DSCAM: variants seen among roughly 807,000 people sequenced by gnomAD.
DSCAM encodes cell adhesion molecule DSCAM.
Under a neutral mutation model 217.7 loss-of-function variants are expected in DSCAM, and 47 were observed. That is an observed-to-expected ratio of 0.22 (90% CI 0.17 to 0.28). The LOEUF is 0.28. Among genes scored for constraint, DSCAM ranks in the 10% least tolerant of loss-of-function variants. DSCAM has a pLI of 1.00. For synonymous variants in DSCAM, 1,056 were observed against 1,015.3 expected (o/e 1.04, Z -0.76); for missense variants, 2,080 against 2,618.3 (o/e 0.79, Z 4.49).
chr21:40,304,630 A>G (rs774024406), intron 9 of DSCAM, among the ~76,000 whole-genome samples: 31 of 152,366 alleles, frequency 2.0e-4, no homozygotes, highest in South Asian at 4.1e-4. Context: ...GAGATGTGCA[A>G]TGAATGATTC....
chr21:40,033,220 G>A (rs1374454349), intron 32 of DSCAM, among the ~76,000 whole-genome samples: 1 of 152,224 alleles, frequency 6.6e-6, no homozygotes, highest in African/African-American at 2.4e-5. Flanking sequence ...CCCAGCCTGA[G>A]CGACGCAGAA....
chr21:40,307,933 T>A (rs551360965), intron 9 of DSCAM, among the ~76,000 whole-genome samples: 1 of 94,976 alleles, frequency 1.1e-5, no homozygotes, highest in African/African-American at 4.1e-5. Flanking sequence ...GGGACTGTTG[T>A]GGGATGAGGG....
At chr21:40,301,394 C>T (rs192032682) in intron 9 of DSCAM, among the ~76,000 whole-genome samples, 1 of 152,322 alleles carries the variant, frequency 6.6e-6, no homozygotes, top group Admixed American at 6.5e-5. Flanking sequence ...GGCTTTGCCC[C>T]AACTATTCTA....
intron 3 of DSCAM, among the ~76,000 whole-genome samples, chr21:40,605,973 G>C (rs887468956): frequency 2.0e-5 from 3 of 151,538 alleles, no homozygotes; most frequent in Admixed American, 2.0e-4. Flanking sequence ...GCTAATTTTT[G>C]TATTTTTAGT....
At chr21:40,508,050 C>T (rs758886644) in intron 3 of DSCAM, among the ~76,000 whole-genome samples, 66 of 152,154 alleles carry the variant, frequency 4.3e-4, no homozygotes, top group Admixed American at 2.2e-3. Flanking sequence ...AGCCACCCTA[C>T]ATGGAGAGAG....
chr21:40,545,898 C>A (rs982023579), intron 3 of DSCAM, among the ~76,000 whole-genome samples: 2 of 152,216 alleles, frequency 1.3e-5, no homozygotes, highest in South Asian at 2.1e-4. Context: ...GCTTTGGGAA[C>A]AGAAAGTCAG....
intron 3 of DSCAM, among the ~76,000 whole-genome samples, chr21:40,594,642 GCA>G (rs1444354822): frequency 2.6e-5 from 4 of 152,190 alleles, no homozygotes; most frequent in African/African-American, 7.2e-5. Context: ...GGATGCTGGA[GCA>G]CAGTTAGGTG....
intron 1 of DSCAM, among the ~76,000 whole-genome samples, chr21:40,748,003 T>A (rs1296476713): frequency 2.6e-5 from 4 of 151,508 alleles, no homozygotes; most frequent in Admixed American, 6.6e-5. Flanking sequence ...CTGAAAAAAA[T>A]TTGATAAAAT....
chr21:40,815,265 T>C (rs2091870765), intron 1 of DSCAM, among the ~76,000 whole-genome samples: 1 of 152,022 alleles, frequency 6.6e-6, no homozygotes. Flanking sequence ...AGGGACAGAC[T>C]GCCACGAGAT....
chr21:40,687,806 G>C (rs1045691733), intron 3 of DSCAM, among the ~76,000 whole-genome samples: 1 of 152,138 alleles, frequency 6.6e-6, no homozygotes, highest in African/African-American at 2.4e-5. Flanking sequence ...CCCCAAGAGG[G>C]ACAGTGCAGG....
chr21:40,645,634 C>T (rs1215472686), intron 3 of DSCAM, among the ~76,000 whole-genome samples: 1 of 152,088 alleles, frequency 6.6e-6, no homozygotes, highest in Non-Finnish European at 1.5e-5. Flanking sequence ...TGCCCCTCTT[C>T]ATGTTTTATG....
chr21:40,204,079 G>A (rs563749336), intron 11 of DSCAM, among the ~76,000 whole-genome samples: 1 of 152,280 alleles, frequency 6.6e-6, no homozygotes, highest in South Asian at 2.1e-4. Context: ...GCTAACTTTT[G>A]TTAACTTGTT....
At chr21:40,405,162 T>C (rs2075269644) in intron 3 of DSCAM, among the ~76,000 whole-genome samples, 1 of 152,138 alleles carries the variant, frequency 6.6e-6, no homozygotes, top group Non-Finnish European at 1.5e-5. Flanking sequence ...AAAATAATAA[T>C]TTTCATACTG....
At chr21:40,551,184 G>T (rs1056382089) in intron 3 of DSCAM, among the ~76,000 whole-genome samples, 1 of 152,196 alleles carries the variant, frequency 6.6e-6, no homozygotes, top group Non-Finnish European at 1.5e-5. Flanking sequence ...TTACAGCTTG[G>T]TTTTACACGT....
At chr21:40,059,012 A>G (rs2089072791) in intron 28 of DSCAM, among the ~76,000 whole-genome samples, 1 of 152,236 alleles carries the variant, frequency 6.6e-6, no homozygotes, top group South Asian at 2.1e-4. Context: ...TTCATAGGGC[A>G]GAGAATTTCC....
chr21:40,236,543 A>T (rs1240449513), intron 11 of DSCAM, among the ~76,000 whole-genome samples: 1 of 152,204 alleles, frequency 6.6e-6, no homozygotes, highest in African/African-American at 2.4e-5. Flanking sequence ...AGAAACACCC[A>T]GCCCTCAGAC....
At chr21:40,598,976 T>C (rs772946418) in intron 3 of DSCAM, among the ~76,000 whole-genome samples, 71 of 152,238 alleles carry the variant, frequency 4.7e-4, no homozygotes, top group Non-Finnish European at 8.2e-4. Flanking sequence ...TTTCATATCT[T>C]TATCTTCCAC....
intron 1 of DSCAM, among the ~76,000 whole-genome samples, chr21:40,804,493 A>G (rs1246930591): frequency 6.6e-6 from 1 of 151,202 alleles, no homozygotes; most frequent in Non-Finnish European, 1.5e-5. Flanking sequence ...TGCTCCTACC[A>G]CCCTCTGCCT....
At position 40,087,307 on chromosome 21, in the gene DSCAM, G is replaced by T; in HGVS notation, c.3851-20C>A. 1 of 1,586,042 alleles carries T rather than the reference G, an allele frequency of 6.3e-7. No homozygotes were observed. The highest frequency in any genetic ancestry group is 8.7e-7 in the Non-Finnish European group (1 of 1,154,698). On this transcript the variant is annotated intron_variant, in intron 21 of 32. Coordinates refer to ENST00000400454, the MANE Select transcript of DSCAM (RefSeq NM_001389.5). Reference sequence around the variant, plus strand: ...CAGGAGCTGAGGAACCAAACAAAGTGGAATCCTGATTACTCCACAGACGTG... The same window carrying T: ...CAGGAGCTGAGGAACCAAACAAAGTTGAATCCTGATTACTCCACAGACGTG...
Sources: gnomAD v4.1 joint callset for allele counts (sites outside exome capture counted in the v4.1 genomes callset) on GRCh38, gnomAD v4.1.1 for gene constraint, MANE v1.5 for transcripts, NCBI Gene and HGNC (gene_info 2026-07-23, HGNC 2026-07-21) for gene names.